The following ANXA5 variants were observed in gnomAD, a reference collection of about 807,000 sequenced individuals.
ANXA5 encodes the protein annexin A5.
In ANXA5, 40 loss-of-function variants were observed where a neutral mutation model predicts 48.1. The ratio of observed to expected loss-of-function variants is 0.83; its 90% CI spans 0.65 to 1.08. The LOEUF (loss-of-function observed/expected upper bound fraction) is 1.08, where lower values mean the gene tolerates loss of function less well. ANXA5 is among the 50% of genes least tolerant of loss of function. The pLI, the probability that ANXA5 is intolerant of heterozygous loss-of-function variation, is 0.00. For synonymous variants in ANXA5, 113 were observed against 129.1 expected, an observed-to-expected ratio of 0.88 and a Z score of 0.85; for missense variants, 357 against 376.8, an observed-to-expected ratio of 0.95 and a Z score of 0.44.
rs191536923 is a variant in ANXA5, at chr4:121,686,485, C to T, written c.10-113G>A. On this transcript the variant is annotated intron_variant, in intron 2 of 12. Transcript: ENST00000296511. ...CATATTCAGTCATTAAATAAATTTACCATTTGATAAGATTTGTGACCCCTT... is the reference window on the plus strand; with the variant it reads ...CATATTCAGTCATTAAATAAATTTATCATTTGATAAGATTTGTGACCCCTT... The T allele has an allele frequency of 8.2e-4, 652 of 792,506 alleles. 1 individual carries two copies. Among genetic ancestry groups the T allele is most frequent in the Non-Finnish European group, 8.2e-4 (395 of 483,902 alleles). The allele number at this position is 792,506 out of a possible 1,614,324, so 49.1% of individuals were successfully genotyped here. A position where few individuals can be genotyped will look rare whatever the true frequency, so the allele number is the denominator to read the frequency against.
At chr4:121,680,431 G>A (rs1464814097) in intron 6 of ANXA5, among the ~76,000 whole-genome samples, 2 of 152,130 alleles carry the variant, frequency 1.3e-5, no homozygotes, top group Non-Finnish European at 1.5e-5. Flanking sequence ...ATGCATTATT[G>A]CATTTAACAT....
chr4:121,683,558 C>T, intron 4 of ANXA5, 81 bp from the exon 5 acceptor site: 1 of 783,870 alleles, frequency 1.3e-6, no homozygotes, highest in Non-Finnish European at 2.1e-6. Flanking sequence ...CAGTCCTTTG[C>T]TCTAATGAAT....
Position 121,686,374 on chromosome 4 carries a change from T to C in ANXA5, c.10-2A>G. The C allele has an allele frequency of 6.2e-7, 1 of 1,611,928 alleles. No homozygotes were observed. The highest frequency in any genetic ancestry group is 8.5e-7 in the Non-Finnish European group (1 of 1,178,032). On this transcript the variant is annotated splice_acceptor_variant, in intron 2 of 12. Coordinates refer to ENST00000296511, the MANE Select transcript of ANXA5 (RefSeq NM_001154.4). LOFTEE classifies it high-confidence loss of function. ...GTCAGTCACAGTGCCTCTGAGAACC[T>C]AATTCACGAAACACAGTGGTATTAT...
chr4:121,681,758 C>T lies in ANXA5; in HGVS notation c.307G>A (p.Ala103Thr). ...AYELKHALKG[A>T]GTNEKVLTEI... ...GTCAGTACTTTTTCATTTGTTCCAGCTCCCTGTTTGGAGATTTTAATAGAG... is the reference window on the plus strand; with the variant it reads ...GTCAGTACTTTTTCATTTGTTCCAGTTCCCTGTTTGGAGATTTTAATAGAG... The change falls in exon 6 of 13, where the codon GCT (alanine) becomes ACT (threonine). Residue 103 changes from alanine to threonine, a missense_variant. Ala to Thr is a moderately conservative substitution (Grantham distance 58). Coordinates refer to ENST00000296511, the MANE Select transcript of ANXA5 (RefSeq NM_001154.4). 1.2e-6 allele frequency: 2 copies of T among 1,609,546 alleles called. No homozygotes were observed. The highest frequency in any genetic ancestry group is 1.7e-6 in the Non-Finnish European group (2 of 1,176,768).
In ANXA5 at chr4:121,686,253, T is replaced by C. The variant is rs565371069; in HGVS notation, c.94+35A>G. On this transcript the variant is annotated intron_variant, in intron 3 of 12. Coordinates refer to ENST00000296511, the MANE Select transcript of ANXA5 (RefSeq NM_001154.4). The stretch of plus-strand genomic sequence containing the variant: ...AATGACTTGTTTGGAAAAACAAATA[T>C]CACATTTGCTTTAGAAAGAGGAAGC... 2.5e-5 allele frequency: 37 copies of C among 1,490,452 alleles called. No homozygotes were observed. In the East Asian group the frequency reaches 6.8e-4, roughly 27 times the overall value. The allele number at this position is 1,490,452 out of a possible 1,614,324, so 92.3% of individuals were successfully genotyped here.
chr4:121,678,534 C>T, intron 6 of ANXA5, 40 bp from the exon 7 acceptor site: 1 of 1,514,720 alleles, frequency 6.6e-7, no homozygotes, highest in Non-Finnish European at 9.1e-7. Context: ...CATCTTCTTT[C>T]AACTAGAAAA....
At chr4:121,677,801 G>A in intron 8 of ANXA5, 93 bp downstream of exon 8, 1 of 1,078,736 alleles carries the variant, frequency 9.3e-7, no homozygotes, top group Non-Finnish European at 1.4e-6. Context: ...ATCACTAGAA[G>A]CTATTACAAC....
chr4:121,684,376 A>C (rs928103259), intron 4 of ANXA5, among the ~76,000 whole-genome samples: 1 of 152,234 alleles, frequency 6.6e-6, no homozygotes. Flanking sequence ...ATGGATAGTA[A>C]GACATCCATG....
chr4:121,678,730 T>A (rs1035472271), intron 6 of ANXA5, among the ~76,000 whole-genome samples: 1 of 152,196 alleles, frequency 6.6e-6, no homozygotes, highest in African/African-American at 2.4e-5. Flanking sequence ...GACTCAGCCA[T>A]TTAGAAATTC....
Position 121,679,018 on chromosome 4 carries a change from T to G in ANXA5, c.395-524A>C, listed in dbSNP as rs373231331. Among the ~76,000 whole-genome samples the G allele has an allele frequency of 6.6e-5, 10 of 152,192 alleles. No individual in the cohort carries two copies. The East Asian group carries it at 1.5e-3, about 23-fold the overall frequency. ...CCCCCCTCCCACCTCTATTTCCAGCTGCTCAATGTAAGCCCATATAAAAGG... is the reference window on the plus strand; with the variant it reads ...CCCCCCTCCCACCTCTATTTCCAGCGGCTCAATGTAAGCCCATATAAAAGG... On this transcript the variant is annotated intron_variant, in intron 6 of 12. Coordinates refer to ENST00000296511, the MANE Select transcript of ANXA5 (RefSeq NM_001154.4).
At position 121,671,766 on chromosome 4, in the gene ANXA5, C is replaced by G. The variant is rs1388219611; in HGVS notation, c.626-124G>C. On this transcript the variant is annotated intron_variant, in intron 9 of 12. Transcript: ENST00000296511. Reference sequence around the variant, plus strand: ...CTCCCCTTCTTCCTTGCTGACAGAACCTTGTGCTCAAAGCCTCAATGTGCC... The same window carrying G: ...CTCCCCTTCTTCCTTGCTGACAGAAGCTTGTGCTCAAAGCCTCAATGTGCC... The G allele has an allele frequency of 1.6e-5, 11 of 681,070 alleles. No homozygotes were observed. In the East Asian group the frequency reaches 3.0e-4, roughly 19 times the overall value. 42.2% of individuals were successfully genotyped at this position (681,070 alleles called of 1,614,324 possible).
intron 8 of ANXA5, among the ~76,000 whole-genome samples, chr4:121,675,924 C>T (rs1724691016): frequency 6.6e-6 from 1 of 152,190 alleles, no homozygotes; most frequent in Admixed American, 6.5e-5. Context: ...CTGTTTTCCC[C>T]TCAGGAGCCT....
At chr4:121,693,235 G>A (rs1194293865) in intron 2 of ANXA5, among the ~76,000 whole-genome samples, 1 of 151,364 alleles carries the variant, frequency 6.6e-6, no homozygotes, top group Non-Finnish European at 1.5e-5. Context: ...CTCCATCTCG[G>A]GGGAGAAAAA....
At position 121,683,371 on chromosome 4, in the gene ANXA5, G is replaced by A. The variant is rs139497935; in HGVS notation, c.296C>T (p.Ala99Val). 50 of 1,586,592 alleles carry A rather than the reference G, an allele frequency of 3.2e-5. No individual in the cohort carries two copies. Among genetic ancestry groups the A allele is most frequent in the Non-Finnish European group, 4.3e-5 (50 of 1,161,740 alleles). The stretch of plus-strand genomic sequence containing the variant: ...TTCACTCATCCTTTTTACCTTCAAG[G>A]CATGTTTCAGTTCATAAGCATCATA... ...RLYDAYELKH[A>V]LKGAGTNEKV... The change falls in exon 5 of 13, where the codon GCC (alanine) becomes GTC (valine). Residue 99 changes from alanine (A) to valine (V), a missense_variant. By Grantham distance (64) the Ala-to-Val change is moderately conservative. Coordinates refer to ENST00000296511, the MANE Select transcript of ANXA5 (RefSeq NM_001154.4).
chr4:121,684,800 T>C lies in ANXA5; in HGVS notation c.95-29A>G, dbSNP rs754964566. Reference sequence around the variant, plus strand: ...CAATTTATGGTTAACAATTACATTTTGGCTCCTACATGCATACTCTCCCAA... The same window carrying C: ...CAATTTATGGTTAACAATTACATTTCGGCTCCTACATGCATACTCTCCCAA... On this transcript the variant is annotated intron_variant, in intron 3 of 12. Transcript: ENST00000296511. 25 of 1,593,404 alleles carry C rather than the reference T, an allele frequency of 1.6e-5. 1 individual carries two copies. The South Asian group carries it at 2.3e-4, about 15-fold the overall frequency.
Position 121,668,378 on chromosome 4 carries a change from A to T in ANXA5, c.*90T>A. On this transcript the variant is annotated 3_prime_UTR_variant, in exon 13 of 13. Coordinates refer to ENST00000296511, the MANE Select transcript of ANXA5 (RefSeq NM_001154.4). ...GCTAGTATGAATAAGGCAATGTGTTAAGCACTGGCATACAAATGCAGCTAA... is the reference window on the plus strand; with the variant it reads ...GCTAGTATGAATAAGGCAATGTGTTTAGCACTGGCATACAAATGCAGCTAA... 1 of 1,120,458 alleles carries T rather than the reference A, an allele frequency of 8.9e-7. No individual in the cohort carries two copies. Among genetic ancestry groups the T allele is most frequent in the Non-Finnish European group, 1.4e-6 (1 of 733,432 alleles). The allele number at this position is 1,120,458 out of a possible 1,614,324, so 69.4% of individuals were successfully genotyped here.
intron 6 of ANXA5, 51 bp from the exon 7 acceptor site, chr4:121,678,545 G>A: frequency 2.1e-6 from 3 of 1,425,500 alleles, no homozygotes; most frequent in Non-Finnish European, 2.9e-6. Context: ...AACTAGAAAA[G>A]TAATCTTGCC....
chr4:121,677,939 G>A lies in ANXA5; in HGVS notation c.486C>T (p.Asp162=). Residue 162 remains aspartate, a synonymous_variant, in exon 8 of 13, where the codon GAC becomes GAT. Coordinates refer to ENST00000296511, the MANE Select transcript of ANXA5 (RefSeq NM_001154.4). ...MLVVLLQANR[D]PDAGIDEAQV... ...GAGCTTCATCAATTCCAGCATCAGG[G>A]TCTCTGTTAGCCTATGAGAGGTAAT... The A allele has an allele frequency of 6.2e-7, 1 of 1,613,614 alleles. No individual in the cohort carries two copies. The highest frequency in any genetic ancestry group is 8.5e-7 in the Non-Finnish European group (1 of 1,179,644).
intron 2 of ANXA5, among the ~76,000 whole-genome samples, chr4:121,695,288 A>AAGAATGGGATCACTGTGTAAGTTTC (rs1305245742): frequency 6.6e-6 from 1 of 152,240 alleles, no homozygotes; most frequent in East Asian, 1.9e-4. Flanking sequence ...AAGAGGAGGT[A>AAGAATGGGATCACTGTGTAAGTTTC]AGAATGGGAT....
Sources: allele counts gnomAD v4.1 joint callset (sites outside exome capture counted in the v4.1 genomes callset), GRCh38; gene constraint gnomAD v4.1.1; transcripts MANE v1.5; gene names NCBI Gene and HGNC (gene_info 2026-07-23, HGNC 2026-07-21).